Variants in MYRIP observed in about 807,000 individuals in gnomAD.
The protein encoded by MYRIP is rab effector MyRIP.
MYRIP carries 49 observed loss-of-function variants against 98.0 expected under a neutral mutation model. That is an observed-to-expected ratio of 0.50 (90% CI 0.40 to 0.63). MYRIP has a LOEUF of 0.63. Ranked by LOEUF, MYRIP falls within the 30% of genes least tolerant of loss-of-function variation. The probability of loss-of-function intolerance (pLI) is 0.00; values close to 1 mark genes in which losing one functional copy is unlikely to be tolerated. For missense variants in MYRIP, 1,004 were observed against 1,058.2 expected (o/e 0.95, Z 0.71); for synonymous variants, 404 against 409.5 (o/e 0.99, Z 0.16).
intron 2 of MYRIP, among the ~76,000 whole-genome samples, chr3:39,915,802 A>G (rs1033929768): frequency 1.1e-4 from 16 of 152,016 alleles, no homozygotes; most frequent in African/African-American, 3.6e-4. Context: ...TTCCCAAGAC[A>G]CTAGACCAGG....
At chr3:40,061,640 G>T (rs557201973) in intron 3 of MYRIP, among the ~76,000 whole-genome samples, 1 of 152,158 alleles carries the variant, frequency 6.6e-6, no homozygotes, top group Non-Finnish European at 1.5e-5. Flanking sequence ...TCTGTTTTTA[G>T]TTCTTTGAGG....
intron 13 of MYRIP, among the ~76,000 whole-genome samples, chr3:40,246,335 G>C (rs982015636): frequency 1.3e-5 from 2 of 151,946 alleles, no homozygotes; most frequent in Admixed American, 1.3e-4. Context: ...AAAGAGGAAG[G>C]GTTTGGTGAC....
chr3:40,059,201 G>T (rs6782134), intron 3 of MYRIP, among the ~76,000 whole-genome samples: 44,190 of 151,988 alleles, frequency 0.29, 6,511 homozygotes, highest in East Asian at 0.36. Context: ...ATTTGGCCTG[G>T]TTCCAAGTCT....
chr3:39,872,021 A>G (rs1189492921), intron 1 of MYRIP, among the ~76,000 whole-genome samples: 5 of 152,010 alleles, frequency 3.3e-5, no homozygotes, highest in Admixed American at 6.6e-5. Flanking sequence ...ATATTTTTGT[A>G]TCTCTGCATA....
intron 10 of MYRIP, among the ~76,000 whole-genome samples, chr3:40,204,222 T>A (rs1393806871): frequency 1.6e-4 from 1 of 6,378 alleles, no homozygotes; most frequent in African/African-American, 2.5e-4. Flanking sequence ...ATATTATATA[T>A]AAATATATAT....
chr3:40,166,971 G>C (rs1559430600), intron 6 of MYRIP, 28 bp downstream of exon 6: 2 of 1,566,650 alleles, frequency 1.3e-6, no homozygotes, highest in Non-Finnish European at 8.8e-7. Context: ...CCTCTCTGTG[G>C]GGGGAGGTGT....
intron 12 of MYRIP, among the ~76,000 whole-genome samples, chr3:40,240,460 C>A (rs995610017): frequency 1.3e-5 from 2 of 152,186 alleles, no homozygotes; most frequent in African/African-American, 2.4e-5. Context: ...TGAAGCAGGG[C>A]GAGGCATTGC....
chr3:39,818,576 T>C (rs1032578074), intron 1 of MYRIP, among the ~76,000 whole-genome samples: 1 of 152,104 alleles, frequency 6.6e-6, no homozygotes, highest in African/African-American at 2.4e-5. Flanking sequence ...TTTTAACTAC[T>C]AAATACCTTT....
chr3:40,084,983 C>T lies in MYRIP; in HGVS notation c.332+40712C>T, dbSNP rs527928576. 6.7e-5 allele frequency among the ~76,000 whole-genome samples: 10 copies of T among 148,450 alleles called. No homozygotes were observed. In the South Asian group the frequency reaches 1.5e-3, roughly 23 times the overall value. ...TAATATATATCTATGTGTTACATAT[C>T]GATAATATATATCTGTGTTATATAT... On this transcript the variant is annotated intron_variant, in intron 3 of 16. Coordinates refer to ENST00000302541, the MANE Select transcript of MYRIP (RefSeq NM_015460.4).
intron 2 of MYRIP, among the ~76,000 whole-genome samples, chr3:40,032,698 G>A (rs1186699072): frequency 1.3e-5 from 2 of 151,998 alleles, no homozygotes; most frequent in African/African-American, 4.8e-5. Context: ...AGAAAAAGAG[G>A]GAATCCTCCC....
chr3:40,235,593 GC>G (rs1367347807), intron 12 of MYRIP, among the ~76,000 whole-genome samples: 6 of 152,228 alleles, frequency 3.9e-5, no homozygotes, highest in African/African-American at 1.4e-4. Context: ...TGGTGATTTT[GC>G]TTTACTGAAA....
intron 2 of MYRIP, among the ~76,000 whole-genome samples, chr3:39,974,601 A>C (rs995882828): frequency 1.3e-5 from 2 of 151,514 alleles, no homozygotes; most frequent in African/African-American, 4.8e-5. Flanking sequence ...ACACCAAAAA[A>C]AGAATTTTAG....
chr3:39,885,872 G>A (rs753798117), intron 1 of MYRIP, among the ~76,000 whole-genome samples: 3 of 151,978 alleles, frequency 2.0e-5, no homozygotes, highest in African/African-American at 7.2e-5. Context: ...ACTTCTCTGT[G>A]TTGGTTATTC....
At chr3:39,828,215 A>G (rs1340470470) in intron 1 of MYRIP, among the ~76,000 whole-genome samples, 2 of 152,088 alleles carry the variant, frequency 1.3e-5, no homozygotes, top group African/African-American at 4.8e-5. Flanking sequence ...TGGAATGCCC[A>G]TAATGTGACT....
At chr3:40,219,669 A>C (rs868614603) in intron 11 of MYRIP, among the ~76,000 whole-genome samples, 7,779 of 151,730 alleles carry the variant, frequency 0.051, 646 homozygotes, top group African/African-American at 0.18. Flanking sequence ...TGAACTCATC[A>C]TTTTTTATGG....
chr3:39,894,987 G>T (rs1425205185), intron 1 of MYRIP, among the ~76,000 whole-genome samples: 1 of 152,278 alleles, frequency 6.6e-6, no homozygotes, highest in East Asian at 1.9e-4. Flanking sequence ...GCAACTTAGT[G>T]TAATTAGCAG....
intron 1 of MYRIP, among the ~76,000 whole-genome samples, chr3:39,818,114 A>C (rs571683355): frequency 6.6e-6 from 1 of 152,306 alleles, no homozygotes; most frequent in East Asian, 1.9e-4. Context: ...CATTCTTTTA[A>C]GACATTAGGC....
chr3:39,929,084 T>C (rs1412907705), intron 2 of MYRIP, among the ~76,000 whole-genome samples: 1 of 151,962 alleles, frequency 6.6e-6, no homozygotes, highest in Non-Finnish European at 1.5e-5. Flanking sequence ...TGTGATAAAT[T>C]GTATCAAATT....
At chr3:40,097,920 A>T (rs1380740610) in intron 3 of MYRIP, among the ~76,000 whole-genome samples, 1 of 152,224 alleles carries the variant, frequency 6.6e-6, no homozygotes, top group Non-Finnish European at 1.5e-5. Context: ...TTGCCACAGG[A>T]ATTCAGCTGG....
Sources: allele counts gnomAD v4.1 joint callset (sites outside exome capture counted in the v4.1 genomes callset), GRCh38; gene constraint gnomAD v4.1.1; transcripts MANE v1.5; gene names NCBI Gene and HGNC (gene_info 2026-07-23, HGNC 2026-07-21).